SLC39A14: variants seen among roughly 807,000 people sequenced by gnomAD.
SLC39A14 encodes the protein solute carrier family 39 member 14.
A neutral mutation model predicts 45.5 loss-of-function variants in SLC39A14; 19 were observed. That is an observed-to-expected ratio of 0.42 (90% CI 0.29 to 0.61). SLC39A14 has a LOEUF of 0.61. Ranked by LOEUF, SLC39A14 falls within the 20% of genes least tolerant of loss-of-function variation. The probability of loss-of-function intolerance (pLI) is 0.22; values close to 1 mark genes in which losing one functional copy is unlikely to be tolerated. For synonymous variants in SLC39A14, 264 were observed against 251.3 expected, an observed-to-expected ratio of 1.05 and a Z score of -0.48; for missense variants, 447 against 616.5, an observed-to-expected ratio of 0.73 and a Z score of 2.91.
chr8:22,419,409 C>G (rs1586752635), intron 8 of SLC39A14, 143 bp from the exon 9 acceptor site: 2 of 744,170 alleles, frequency 2.7e-6, no homozygotes, highest in East Asian at 5.1e-5. Flanking sequence ...GTCTCGAACT[C>G]CTGACCTCTA....
chr8:22,428,285 G>A (rs1233982630), intron 8 of SLC39A14, among the ~76,000 whole-genome samples: 4 of 151,970 alleles, frequency 2.6e-5, no homozygotes, highest in East Asian at 1.9e-4. Flanking sequence ...CAACAAGAGC[G>A]AAACTCTGTC....
At chr8:22,377,937 G>C (rs944446180) in intron 1 of SLC39A14, among the ~76,000 whole-genome samples, 1 of 152,186 alleles carries the variant, frequency 6.6e-6, no homozygotes, top group Admixed American at 6.5e-5. Flanking sequence ...CCTCTCTGCA[G>C]TTCACAACTC....
At chr8:22,416,040 C>A (rs369810711) in intron 6 of SLC39A14, 33 bp from the exon 7 acceptor site, 1 of 1,611,646 alleles carries the variant, frequency 6.2e-7, no homozygotes, top group Non-Finnish European at 8.5e-7. Flanking sequence ...CAGCCTTTGA[C>A]GCTGTGGGCC....
At chr8:22,431,875 A>T (rs1836472239) in intron 8 of SLC39A14, among the ~76,000 whole-genome samples, 1 of 152,204 alleles carries the variant, frequency 6.6e-6, no homozygotes, top group African/African-American at 2.4e-5. Flanking sequence ...ACTTAAACCT[A>T]ATTTGTTATG....
chr8:22,381,352 G>A (rs1180603138), intron 1 of SLC39A14, among the ~76,000 whole-genome samples: 1 of 149,926 alleles, frequency 6.7e-6, no homozygotes, highest in Non-Finnish European at 1.5e-5. Context: ...CTCACGGCAA[G>A]CTCCGCCTCC....
chr8:22,425,660 G>A (rs1226190188), downstream of SLC39A14, among the ~76,000 whole-genome samples: 2 of 152,010 alleles, frequency 1.3e-5, no homozygotes, highest in Admixed American at 6.6e-5. Context: ...CTTTTCAGCA[G>A]ATGTCTATTC....
At chr8:22,404,516 T>C (rs1394881720) in intron 1 of SLC39A14, 180 bp from the exon 2 acceptor site, 8 of 534,428 alleles carry the variant, frequency 1.5e-5, no homozygotes. Context: ...TTGTCCTTTT[T>C]ATTCGTTTTT....
In SLC39A14 at chr8:22,420,584, G is replaced by T; in HGVS notation, c.*886G>T. 1.0e-6 allele frequency: 1 copy of T among 985,398 alleles called. No homozygotes were observed. The highest frequency in any genetic ancestry group is 1.2e-6 in the Non-Finnish European group (1 of 829,926). 61.0% of individuals were successfully genotyped at this position (985,398 alleles called of 1,614,324 possible). On this transcript the variant is annotated 3_prime_UTR_variant, in exon 9 of 9. Transcript: ENST00000381237. ...CTAGAAGCACATTCTGAGCACATTT[G>T]AGACCTCTGTGTTAGAGGGGAGACT... is the stretch of plus-strand genomic sequence containing the variant.
chr8:22,378,367 A>C (rs1230583172), intron 1 of SLC39A14, among the ~76,000 whole-genome samples: 1 of 152,170 alleles, frequency 6.6e-6, no homozygotes, highest in African/African-American at 2.4e-5. Flanking sequence ...GGGGTCCTAG[A>C]AGACTAAACT....
chr8:22,428,718 G>A (rs1836425192), intron 8 of SLC39A14, among the ~76,000 whole-genome samples: 1 of 151,960 alleles, frequency 6.6e-6, no homozygotes, highest in Non-Finnish European at 1.5e-5. Flanking sequence ...TGGGATTACA[G>A]GCATGAGCCA....
chr8:22,380,081 A>T (rs1037302885), intron 1 of SLC39A14, among the ~76,000 whole-genome samples: 1 of 152,236 alleles, frequency 6.6e-6, no homozygotes, highest in South Asian at 2.1e-4. Flanking sequence ...TTTAAAGTCT[A>T]TAGGGAGGAA....
Position 22,421,846 on chromosome 8 carries a change from A to G in SLC39A14, c.*2148A>G, listed in dbSNP as rs1836245985. 2 of 985,322 alleles carry G rather than the reference A, an allele frequency of 2.0e-6. No individual in the cohort carries two copies. The highest frequency in any genetic ancestry group is 9.4e-5 in the South Asian group (2 of 21,282). 61.0% of individuals were successfully genotyped at this position (985,322 alleles called of 1,614,324 possible). On this transcript the variant is annotated 3_prime_UTR_variant, in exon 9 of 9. Coordinates refer to ENST00000381237, the MANE Select transcript of SLC39A14 (RefSeq NM_001128431.4). ...AAAACTATAATCTTTAACAAATTGAAAAATGAAATAGGGTGTTTTCCCTTT... is the reference window on the plus strand; with the variant it reads ...AAAACTATAATCTTTAACAAATTGAGAAATGAAATAGGGTGTTTTCCCTTT...
At chr8:22,368,174 C>G (rs975627695) in intron 1 of SLC39A14, among the ~76,000 whole-genome samples, 1 of 152,160 alleles carries the variant, frequency 6.6e-6, no homozygotes, top group African/African-American at 2.4e-5. Context: ...AGGAGGACTC[C>G]GGACACAATT....
At chr8:22,410,934 T>C (rs1342983194) in intron 3 of SLC39A14, among the ~76,000 whole-genome samples, 1 of 152,134 alleles carries the variant, frequency 6.6e-6, no homozygotes, top group African/African-American at 2.4e-5. Context: ...TTCACAAAGA[T>C]CCCATGTCAG....
intron 8 of SLC39A14, among the ~76,000 whole-genome samples, chr8:22,429,327 A>G (rs530337711): frequency 6.9e-4 from 105 of 152,304 alleles, no homozygotes; most frequent in Admixed American, 1.2e-3. Context: ...GAATGGATTC[A>G]TGTCAATTCC....
intron 1 of SLC39A14, among the ~76,000 whole-genome samples, chr8:22,388,207 C>T (rs1055274892): frequency 3.9e-5 from 6 of 152,166 alleles, no homozygotes; most frequent in Admixed American, 2.6e-4. Flanking sequence ...GGGGATGGGA[C>T]TGGTGCTGGA....
chr8:22,375,278 C>G (rs1277566318), intron 1 of SLC39A14, among the ~76,000 whole-genome samples: 1 of 143,800 alleles, frequency 7.0e-6, no homozygotes, highest in East Asian at 2.3e-4. Context: ...TTATTTCCTT[C>G]TGATTATTAA....
chr8:22,398,568 G>A (rs773082436), intron 1 of SLC39A14: 33 of 194,008 alleles, frequency 1.7e-4, no homozygotes, highest in Non-Finnish European at 2.9e-4. Flanking sequence ...GAAAGGGAGG[G>A]GACAAGTGGA....
intron 1 of SLC39A14, among the ~76,000 whole-genome samples, chr8:22,385,959 A>C (rs953010581): frequency 6.6e-6 from 1 of 152,188 alleles, no homozygotes; most frequent in African/African-American, 2.4e-5. Context: ...TATTTTTTTG[A>C]GAGACAGAGT....
Sources: allele counts gnomAD v4.1 joint callset (sites outside exome capture counted in the v4.1 genomes callset), GRCh38; gene constraint gnomAD v4.1.1; transcripts MANE v1.5; gene names NCBI Gene and HGNC (gene_info 2026-07-23, HGNC 2026-07-21).